PROX2: variants seen among roughly 807,000 people sequenced by gnomAD.
PROX2 encodes prospero homeobox protein 2.
In PROX2, 46 loss-of-function variants were observed where a neutral mutation model predicts 48.9. The observed-to-expected ratio is 0.94, with a 90% CI of 0.74 to 1.20. The LOEUF is 1.20. Ranked by LOEUF, PROX2 falls within the 50% of genes most tolerant of loss-of-function variation. PROX2 has a pLI of 0.00. For synonymous variants in PROX2, 260 were observed against 276.6 expected, an observed-to-expected ratio of 0.94 and a Z score of 0.60; for missense variants, 663 against 719.4, an observed-to-expected ratio of 0.92 and a Z score of 0.90.
intron 2 of PROX2, chr14:74,865,429 G>C (rs1883029759): frequency 1.3e-5 from 2 of 152,460 alleles, no homozygotes; most frequent in South Asian, 4.1e-4. Flanking sequence ...AAACTGGAGA[G>C]AGCGGTTGGG....
chr14:74,853,807 G>T lies in PROX2; in HGVS notation c.*1325C>A. 1 of 129,856 alleles carries T rather than the reference G, an allele frequency of 7.7e-6. No homozygotes were observed. The highest frequency in any genetic ancestry group is 2.7e-4 in the East Asian group (1 of 3,752). The allele number at this position is 129,856 out of a possible 1,614,324, so 8.0% of individuals were successfully genotyped here. A position where few individuals can be genotyped will look rare whatever the true frequency, so the allele number is the denominator to read the frequency against. ...GCGTACCTTTGGCAGTGCTTACAAA[G>T]ACTTGATCCTGACTAGCTTAGAAGA... On this transcript the variant is annotated 3_prime_UTR_variant, in exon 6 of 6. Coordinates refer to ENST00000556489, the MANE Select transcript of PROX2 (RefSeq NM_001243007.2).
chr14:74,875,054 G>C (rs1174283365), intron 1 of PROX2, among the ~76,000 whole-genome samples: 1 of 152,124 alleles, frequency 6.6e-6, no homozygotes, highest in Admixed American at 6.5e-5. Context: ...CTGAGGCAGG[G>C]AGAATTGCTT....
rs553920943 is a variant in PROX2 at position 74,874,546 on chromosome 14, C to T, written c.-310+1349G>A. 3.8e-4 allele frequency among the ~76,000 whole-genome samples: 58 copies of T among 152,084 alleles called. 2 individuals are homozygous for T. The South Asian group carries it at 6.8e-3, about 18-fold the overall frequency. On this transcript the variant is annotated intron_variant, in intron 1 of 5. Transcript: ENST00000556489. Reference sequence around the variant, plus strand: ...GATTACAGGCGTGAGCCACCGCGCCCGGCCTATACAAATTTCCTAAAAATA... The same window carrying T: ...GATTACAGGCGTGAGCCACCGCGCCTGGCCTATACAAATTTCCTAAAAATA...
chr14:74,876,055 G>C lies in PROX2; in HGVS notation c.-470C>G, dbSNP rs1265544469. Among the ~76,000 whole-genome samples, 1 of 152,216 alleles carries C rather than the reference G, an allele frequency of 6.6e-6. No homozygotes were observed. The highest frequency in any genetic ancestry group is 1.5e-5 in the Non-Finnish European group (1 of 68,038). On this transcript the variant is annotated 5_prime_UTR_variant, in exon 1 of 6. Coordinates refer to ENST00000556489, the MANE Select transcript of PROX2 (RefSeq NM_001243007.2). ...CCCTGCTTCCTCTCCAGGCAGGCCGGGTGCCCGTGGCTGGGTGAGGGGAGG... is the reference window on the plus strand; with the variant it reads ...CCCTGCTTCCTCTCCAGGCAGGCCGCGTGCCCGTGGCTGGGTGAGGGGAGG...
intron 4 of PROX2, 200 bp from the exon 5 acceptor site, chr14:74,857,195 A>G: frequency 3.9e-6 from 2 of 508,896 alleles, no homozygotes; most frequent in East Asian, 2.9e-5. Context: ...AATTAGCTAC[A>G]GTGCCCATTA....
At chr14:74,864,469 G>A (rs577763569) in intron 2 of PROX2, among the ~76,000 whole-genome samples, 4 of 152,284 alleles carry the variant, frequency 2.6e-5, no homozygotes, top group African/African-American at 9.6e-5. Flanking sequence ...GACAGACTGG[G>A]GTCAAACCAA....
intron 3 of PROX2, among the ~76,000 whole-genome samples, chr14:74,860,767 G>A (rs564702881): frequency 7.9e-5 from 12 of 152,160 alleles, no homozygotes; most frequent in Admixed American, 2.0e-4. Context: ...CCTGGCTTAG[G>A]TATTTCTTAG....
chr14:74,865,281 G>A (rs1883025356), intron 2 of PROX2: 1 of 152,142 alleles, frequency 6.6e-6, no homozygotes, highest in African/African-American at 2.4e-5. Context: ...CCTTCTTCTG[G>A]GCTCATGGAG....
intron 4 of PROX2, 85 bp from the exon 5 acceptor site, chr14:74,857,080 G>A: frequency 8.8e-7 from 1 of 1,130,294 alleles, no homozygotes; most frequent in Non-Finnish European, 1.3e-6. Context: ...TCAGTATAGG[G>A]GTTCATATAC....
chr14:74,857,078 G>A, intron 4 of PROX2, 83 bp from the exon 5 acceptor site: 1 of 1,167,326 alleles, frequency 8.6e-7, no homozygotes, highest in Non-Finnish European at 1.3e-6. Flanking sequence ...GCTCAGTATA[G>A]GGGTTCATAT....
At chr14:74,873,403 CAT>C (rs1281252803) in intron 1 of PROX2, among the ~76,000 whole-genome samples, 1 of 152,142 alleles carries the variant, frequency 6.6e-6, no homozygotes, top group Non-Finnish European at 1.5e-5. Flanking sequence ...GTGAGGATCA[CAT>C]GTGGTGGGCC....
At chr14:74,857,323 G>A in intron 4 of PROX2, 1 of 207,342 alleles carries the variant, frequency 4.8e-6, no homozygotes, top group Non-Finnish European at 9.8e-6. Flanking sequence ...AGATTTTGCT[G>A]CACCCAGGTG....
rs1281435154 is a variant in PROX2, at chr14:74,856,851, C to T, written c.1558G>A (p.Glu520Lys). ...TGCATATTGAGAGCTTGAAAAAGTT[C>T]TGAATTGCGGAGAACCACCAGCATT... ...PKMLVVLRNS[E>K]LFQALNMHYN... The change falls in exon 5 of 6, where the codon GAA (glutamate) becomes AAA (lysine). Residue 520 changes from glutamate (E) to lysine (K), a missense_variant. Physicochemically the swap from Glu to Lys is moderately conservative, Grantham distance 56. Transcript: ENST00000556489. 6.2e-7 allele frequency: 1 copy of T among 1,614,000 alleles called. No individual in the cohort carries two copies. The highest frequency in any genetic ancestry group is 1.3e-5 in the African/African-American group (1 of 75,040).
chr14:74,858,194 G>C (rs2091761720), intron 4 of PROX2: 2 of 472,772 alleles, frequency 4.2e-6, no homozygotes, highest in South Asian at 7.8e-5. Context: ...CAGCTCAGTA[G>C]CTTAAGAATT....
intron 2 of PROX2, among the ~76,000 whole-genome samples, chr14:74,870,439 A>ATACACAC (rs1555371979): frequency 3.0e-4 from 9 of 29,948 alleles, no homozygotes; most frequent in African/African-American, 2.1e-3. Flanking sequence ...AAAAAAAAAA[A>ATACACAC]ATACACACAC....
chr14:74,864,056 C>T lies in PROX2; in HGVS notation c.-174-48G>A, dbSNP rs189500433. ...AAGAGTACGTGTGACTTTGAACAGTCCTTTTAAAATGTGAATGTGCAAACA... is the reference window on the plus strand; with the variant it reads ...AAGAGTACGTGTGACTTTGAACAGTTCTTTTAAAATGTGAATGTGCAAACA... On this transcript the variant is annotated intron_variant, in intron 2 of 5. Transcript: ENST00000556489. 2.0e-5 allele frequency: 8 copies of T among 405,860 alleles called. No homozygotes were observed. The East Asian group carries it at 3.1e-4, about 16-fold the overall frequency. 25.1% of individuals were successfully genotyped at this position (405,860 alleles called of 1,614,324 possible).
rs2091803235 is a variant in PROX2, at chr14:74,862,601, G to A, written c.1234C>T (p.Leu412Phe). 1 of 1,614,042 alleles carries A rather than the reference G, an allele frequency of 6.2e-7. No homozygotes were observed. Among genetic ancestry groups the A allele is most frequent in the Non-Finnish European group, 8.5e-7 (1 of 1,179,894 alleles). Residue 412 changes from leucine to phenylalanine, a missense_variant, in exon 3 of 6, where the codon CTT (leucine) becomes TTT (phenylalanine). Coordinates refer to ENST00000556489, the MANE Select transcript of PROX2 (RefSeq NM_001243007.2). ...TSAHLESLPLLPSVKMEQRGL... is the reference protein window; with the variant it reads ...TSAHLESLPLFPSVKMEQRGL... ...CTCTGTTCCATCTTCACCGAGGGAA[G>A]AAGGGGTAGACTTTCCAGATGGGCA...
chr14:74,873,205 A>C (rs186724911), intron 1 of PROX2, among the ~76,000 whole-genome samples: 1 of 152,002 alleles, frequency 6.6e-6, no homozygotes, highest in Non-Finnish European at 1.5e-5. Context: ...GGATGGTCTC[A>C]ATCTCCTGAT....
intron 2 of PROX2, among the ~76,000 whole-genome samples, chr14:74,868,984 A>C (rs1045492012): frequency 6.6e-6 from 1 of 152,218 alleles, no homozygotes; most frequent in African/African-American, 2.4e-5. Flanking sequence ...GGGCATAACC[A>C]TAATATCTAT....
Sources: gnomAD v4.1 joint callset for allele counts (sites outside exome capture counted in the v4.1 genomes callset) on GRCh38, gnomAD v4.1.1 for gene constraint, MANE v1.5 for transcripts, NCBI Gene and HGNC (gene_info 2026-07-23, HGNC 2026-07-21) for gene names.